The following CPQ variants were observed in gnomAD, a reference collection of about 807,000 sequenced individuals.
The protein encoded by CPQ is carboxypeptidase Q.
CPQ carries 37 observed loss-of-function variants against 45.7 expected under a neutral mutation model. That is an observed-to-expected ratio of 0.81 (90% CI 0.62 to 1.07). The LOEUF is 1.07. CPQ is among the 50% of genes least tolerant of loss of function. CPQ has a pLI of 0.00. For missense variants in CPQ, 537 were observed against 572.9 expected, an observed-to-expected ratio of 0.94 and a Z score of 0.64; for synonymous variants, 186 against 205.8, an observed-to-expected ratio of 0.90 and a Z score of 0.82.
chr8:96,947,984 A>T (rs1343636244), intron 4 of CPQ, among the ~76,000 whole-genome samples: 2 of 152,060 alleles, frequency 1.3e-5, no homozygotes, highest in Non-Finnish European at 2.9e-5. Flanking sequence ...CAGGTGGACC[A>T]AGACCCAATA....
chr8:96,863,453 C>T (rs1310951384), intron 3 of CPQ, among the ~76,000 whole-genome samples: 1 of 151,892 alleles, frequency 6.6e-6, no homozygotes, highest in Non-Finnish European at 1.5e-5. Flanking sequence ...GACTAAGTGT[C>T]TGCTTATACA....
chr8:96,876,905 T>C (rs1244765957), intron 3 of CPQ, among the ~76,000 whole-genome samples: 1 of 152,218 alleles, frequency 6.6e-6, no homozygotes, highest in Non-Finnish European at 1.5e-5. Flanking sequence ...TGTGTTGTGA[T>C]GCCTTTGTCT....
At chr8:96,712,577 T>A (rs1809620864) in intron 1 of CPQ, among the ~76,000 whole-genome samples, 2 of 152,228 alleles carry the variant, frequency 1.3e-5, no homozygotes, top group Non-Finnish European at 2.9e-5. Flanking sequence ...ACCAGGGCTT[T>A]GTGCTTGCAC....
chr8:96,975,003 C>T (rs988288928), intron 5 of CPQ, among the ~76,000 whole-genome samples: 2 of 150,950 alleles, frequency 1.3e-5, no homozygotes, highest in Admixed American at 6.6e-5. Context: ...AAGAAAATGA[C>T]GAAGATCAGA....
chr8:96,795,777 G>A (rs1056989366), intron 2 of CPQ, among the ~76,000 whole-genome samples: 2 of 151,888 alleles, frequency 1.3e-5, no homozygotes, highest in Admixed American at 1.3e-4. Flanking sequence ...AAGAAGTATA[G>A]ACTTTTAAAG....
chr8:96,815,556 A>T (rs1175634446), intron 2 of CPQ, among the ~76,000 whole-genome samples: 3 of 152,158 alleles, frequency 2.0e-5, no homozygotes, highest in Admixed American at 1.3e-4. Context: ...ATGAAGATAC[A>T]GGGATTTTGA....
intron 1 of CPQ, among the ~76,000 whole-genome samples, chr8:96,758,125 G>C (rs770225671): frequency 1.3e-5 from 2 of 151,982 alleles, no homozygotes; most frequent in Non-Finnish European, 2.9e-5. Flanking sequence ...CTAAATAACT[G>C]TGCTTCCACT....
intron 7 of CPQ, among the ~76,000 whole-genome samples, chr8:97,123,101 AAATAAAATAAAATAAAATAAAAT>A: frequency 9.9e-6 from 1 of 100,710 alleles, no homozygotes; most frequent in African/African-American, 4.4e-5. Context: ...AAAATAAAAT[AAATAAAATAAAATAAAATAAAAT>A]AAATAAAATA....
intron 1 of CPQ, among the ~76,000 whole-genome samples, chr8:96,777,094 A>C (rs1810615024): frequency 6.6e-6 from 1 of 152,134 alleles, no homozygotes; most frequent in Non-Finnish European, 1.5e-5. Context: ...TTAGTATTTC[A>C]GGGATTTTAA....
intron 3 of CPQ, among the ~76,000 whole-genome samples, chr8:96,865,287 C>T (rs1201416419): frequency 1.3e-5 from 2 of 151,972 alleles, no homozygotes; most frequent in Non-Finnish European, 2.9e-5. Flanking sequence ...TGAACTAGTT[C>T]TTTTACTCAG....
intron 3 of CPQ, among the ~76,000 whole-genome samples, chr8:96,847,097 T>C (rs191426131): frequency 1.3e-5 from 2 of 152,352 alleles, no homozygotes; most frequent in Admixed American, 1.3e-4. Context: ...TTTTCCTTAT[T>C]GGTGAGACCA....
At chr8:96,945,140 A>G (rs934702363) in intron 4 of CPQ, among the ~76,000 whole-genome samples, 1 of 152,128 alleles carries the variant, frequency 6.6e-6, no homozygotes, top group Non-Finnish European at 1.5e-5. Context: ...TGAGTGCTCT[A>G]AGGAACCAGG....
At chr8:96,820,615 C>A (rs905945305) in intron 2 of CPQ, among the ~76,000 whole-genome samples, 3 of 151,888 alleles carry the variant, frequency 2.0e-5, no homozygotes, top group African/African-American at 7.2e-5. Flanking sequence ...TCTTCAATTC[C>A]ATCTATGTTG....
chr8:97,014,865 G>A (rs1465593588), intron 5 of CPQ, among the ~76,000 whole-genome samples: 1 of 151,924 alleles, frequency 6.6e-6, no homozygotes, highest in East Asian at 1.9e-4. Context: ...ATAAAAAGGA[G>A]CATGATAACA....
chr8:96,878,181 T>C (rs1408925473), intron 3 of CPQ, among the ~76,000 whole-genome samples: 2 of 152,118 alleles, frequency 1.3e-5, no homozygotes, highest in East Asian at 1.9e-4. Flanking sequence ...TTGGCCAGGA[T>C]GGTCTTGATA....
chr8:96,852,961 T>G (rs1811791011), intron 3 of CPQ, among the ~76,000 whole-genome samples: 1 of 152,236 alleles, frequency 6.6e-6, no homozygotes, highest in Non-Finnish European at 1.5e-5. Context: ...TACTTGTTAT[T>G]TATGCTTATT....
chr8:97,119,427 T>C (rs934453532), intron 7 of CPQ, among the ~76,000 whole-genome samples: 28 of 146,536 alleles, frequency 1.9e-4, no homozygotes, highest in Non-Finnish European at 3.9e-4. Flanking sequence ...TGTTTCTGAT[T>C]CTGTTTCTTA....
At position 96,656,260 on chromosome 8, in the gene CPQ, T is replaced by C. The variant is rs909935702; in HGVS notation, c.-35+10858T>C. On this transcript the variant is annotated intron_variant, in intron 1 of 7. Coordinates refer to ENST00000220763, the MANE Select transcript of CPQ (RefSeq NM_016134.4). ...GTTGGGTCAGGTGGTAATGACCCCATGCAGGCAGAGCTCGCTATAGTTGGC... is the reference window on the plus strand; with the variant it reads ...GTTGGGTCAGGTGGTAATGACCCCACGCAGGCAGAGCTCGCTATAGTTGGC... 5.3e-5 allele frequency among the ~76,000 whole-genome samples: 8 copies of C among 152,298 alleles called. No individual in the cohort carries two copies. The East Asian group carries it at 1.5e-3, about 29-fold the overall frequency.
intron 1 of CPQ, among the ~76,000 whole-genome samples, chr8:96,744,159 T>C (rs1462901469): frequency 1.3e-5 from 2 of 152,382 alleles, no homozygotes; most frequent in Non-Finnish European, 2.9e-5. Flanking sequence ...CTGAGCCAGG[T>C]GCGGGATATA....
Sources: gnomAD v4.1 joint callset for allele counts (sites outside exome capture counted in the v4.1 genomes callset) on GRCh38, gnomAD v4.1.1 for gene constraint, MANE v1.5 for transcripts, NCBI Gene and HGNC (gene_info 2026-07-23, HGNC 2026-07-21) for gene names.